The following GPATCH2 variants were observed in gnomAD, a reference collection of about 807,000 sequenced individuals.
The protein encoded by GPATCH2 is G-patch domain containing 2.
GPATCH2 carries 51 observed loss-of-function variants against 58.0 expected under a neutral mutation model. That is an observed-to-expected ratio of 0.88 (90% confidence interval 0.70 to 1.11). The LOEUF (loss-of-function observed/expected upper bound fraction) is 1.11. GPATCH2 is among the 50% of genes most tolerant of loss of function. The pLI is 0.00. For synonymous variants in GPATCH2, 222 were observed against 218.5 expected, an observed-to-expected ratio of 1.02 and a Z score of -0.14; for missense variants, 625 against 652.2, an observed-to-expected ratio of 0.96 and a Z score of 0.45.
chr1:217,492,291 A>G (rs947198070), intron 7 of GPATCH2, among the ~76,000 whole-genome samples: 2 of 152,204 alleles, frequency 1.3e-5, no homozygotes, highest in African/African-American at 4.8e-5. Context: ...CAAAGAAATT[A>G]TTGGCTTGGA....
intron 8 of GPATCH2, among the ~76,000 whole-genome samples, chr1:217,453,650 GAAACA>G (rs1203504433): frequency 1.3e-5 from 2 of 151,986 alleles, no homozygotes; most frequent in Admixed American, 6.6e-5. Context: ...GAAAAAAGTA[GAAACA>G]AAACAAAACA....
chr1:217,625,173 T>C (rs1669392024), intron 1 of GPATCH2, among the ~76,000 whole-genome samples: 1 of 152,230 alleles, frequency 6.6e-6, no homozygotes, highest in African/African-American at 2.4e-5. Context: ...ATGAGTGAAC[T>C]ATTATCCTTG....
chr1:217,436,560 T>C (rs982069475), intron 9 of GPATCH2, among the ~76,000 whole-genome samples: 11 of 152,198 alleles, frequency 7.2e-5, no homozygotes, highest in African/African-American at 1.4e-4. Context: ...TTGAGTAATA[T>C]ATGAATTGCA....
intron 5 of GPATCH2, among the ~76,000 whole-genome samples, chr1:217,550,411 C>A (rs2102667083): frequency 6.6e-6 from 1 of 152,064 alleles, no homozygotes; most frequent in South Asian, 2.1e-4. Flanking sequence ...ACAAAATAGA[C>A]ATTCATTACC....
intron 5 of GPATCH2, among the ~76,000 whole-genome samples, chr1:217,532,488 G>A (rs1664241191): frequency 6.6e-6 from 1 of 152,172 alleles, no homozygotes; most frequent in African/African-American, 2.4e-5. Context: ...AAGAGGAGAT[G>A]TATTGGTGAA....
chr1:217,620,939 G>A (rs1669158904), intron 1 of GPATCH2, among the ~76,000 whole-genome samples: 2 of 152,144 alleles, frequency 1.3e-5, no homozygotes, highest in Non-Finnish European at 2.9e-5. Context: ...TTCACCACGT[G>A]CCCTAACCAG....
rs1180668386 is a variant in GPATCH2 at position 217,631,030 on chromosome 1, A to G, written c.-59T>C. 6.9e-6 allele frequency: 10 copies of G among 1,454,206 alleles called. No homozygotes were observed. The highest frequency in any genetic ancestry group is 9.4e-6 in the Non-Finnish European group (10 of 1,067,552). The allele number at this position is 1,454,206 out of a possible 1,614,324, so 90.1% of individuals were successfully genotyped here. A position where few individuals can be genotyped will look rare whatever the true frequency, so the allele number is the denominator to read the frequency against. On this transcript the variant is annotated 5_prime_UTR_variant, in exon 1 of 10. Transcript: ENST00000366935. ...GGCCCGTGAACAGACTCCAACTACAACAGCACCGGCGACTTCCAAAGAGCA... is the reference window on the plus strand; with the variant it reads ...GGCCCGTGAACAGACTCCAACTACAGCAGCACCGGCGACTTCCAAAGAGCA...
intron 5 of GPATCH2, among the ~76,000 whole-genome samples, chr1:217,560,077 G>A (rs1014589874): frequency 6.6e-6 from 1 of 152,164 alleles, no homozygotes; most frequent in Non-Finnish European, 1.5e-5. Flanking sequence ...TCGATCTCCT[G>A]ACCTCAGCCA....
intron 5 of GPATCH2, among the ~76,000 whole-genome samples, chr1:217,521,338 T>C (rs1228043666): frequency 8.3e-6 from 1 of 119,928 alleles, no homozygotes; most frequent in Non-Finnish European, 1.6e-5. Flanking sequence ...CCTAGTACTT[T>C]TTCCCCTACA....
chr1:217,606,772 C>A (rs922520816), intron 5 of GPATCH2, among the ~76,000 whole-genome samples: 2 of 152,048 alleles, frequency 1.3e-5, no homozygotes, highest in East Asian at 3.9e-4. Flanking sequence ...AGTTTAAGGT[C>A]CACAATTCTG....
chr1:217,489,510 C>A (rs1661617453), intron 8 of GPATCH2, among the ~76,000 whole-genome samples: 2 of 152,172 alleles, frequency 1.3e-5, no homozygotes, highest in Non-Finnish European at 2.9e-5. Context: ...ATTTTATTTT[C>A]TTTTATTTAT....
At chr1:217,509,763 G>A (rs935284059) in intron 6 of GPATCH2, among the ~76,000 whole-genome samples, 2 of 152,182 alleles carry the variant, frequency 1.3e-5, no homozygotes, top group African/African-American at 4.8e-5. Flanking sequence ...TACATTGTAA[G>A]AGATTCAAAG....
Position 217,498,487 on chromosome 1 carries a change from C to T in GPATCH2, c.1167-92G>A, listed in dbSNP as rs1281256538. Reference sequence around the variant, plus strand: ...GCCGCATGTGCTTTAAGAAATTTGTCACCAGCAACACAGCCTTAAATATGC... The same window carrying T: ...GCCGCATGTGCTTTAAGAAATTTGTTACCAGCAACACAGCCTTAAATATGC... On this transcript the variant is annotated intron_variant, in intron 6 of 9. Transcript: ENST00000366935. The T allele has an allele frequency of 4.6e-6, 4 of 878,978 alleles. No homozygotes were observed. In the African/African-American group the frequency reaches 6.6e-5, roughly 14 times the overall value. 54.4% of individuals were successfully genotyped at this position (878,978 alleles called of 1,614,324 possible). A position where few individuals can be genotyped will look rare whatever the true frequency, so the allele number is the denominator to read the frequency against.
intron 8 of GPATCH2, among the ~76,000 whole-genome samples, chr1:217,486,834 T>A (rs1214904128): frequency 6.6e-6 from 1 of 152,130 alleles, no homozygotes; most frequent in Admixed American, 6.5e-5. Flanking sequence ...CTCTTCTCAC[T>A]CCCAGAGAGG....
At chr1:217,609,388 AAAT>A (rs1668521487) in intron 5 of GPATCH2, 1 of 984,274 alleles carries the variant, frequency 1.0e-6, no homozygotes, top group African/African-American at 1.7e-5. Context: ...CTCTAAACCA[AAAT>A]AATAATTTTG....
At chr1:217,445,290 T>G (rs925038701) in intron 9 of GPATCH2, among the ~76,000 whole-genome samples, 1 of 152,142 alleles carries the variant, frequency 6.6e-6, no homozygotes, top group Non-Finnish European at 1.5e-5. Flanking sequence ...ATTTTCATAC[T>G]GTACAGTGGA....
At position 217,607,112 on chromosome 1, in the gene GPATCH2, G is replaced by A. The variant is rs114979805; in HGVS notation, c.1098+3209C>T. On this transcript the variant is annotated intron_variant, in intron 5 of 9. Transcript: ENST00000366935. ...TATAAAACTAAATACAGTCAATCTC[G>A]TTCCCATTGTGGATTCCATATTTTT... Among the ~76,000 whole-genome samples the A allele has an allele frequency of 2.5e-3, 386 of 152,184 alleles. 4 individuals carry two copies. The highest frequency in any genetic ancestry group is 9.0e-3 in the African/African-American group (374 of 41,524).
chr1:217,568,353 T>C (rs192099291), intron 5 of GPATCH2, among the ~76,000 whole-genome samples: 3 of 152,196 alleles, frequency 2.0e-5, no homozygotes, highest in African/African-American at 7.2e-5. Context: ...TCAGGCACAG[T>C]GTGCTAAGGC....
At chr1:217,578,701 A>C (rs1666922475) in intron 5 of GPATCH2, among the ~76,000 whole-genome samples, 1 of 152,224 alleles carries the variant, frequency 6.6e-6, no homozygotes, top group Non-Finnish European at 1.5e-5. Flanking sequence ...CAATACACGT[A>C]TTTTGATATT....
Sources: gnomAD v4.1 joint callset for allele counts (sites outside exome capture counted in the v4.1 genomes callset) on GRCh38, gnomAD v4.1.1 for gene constraint, MANE v1.5 for transcripts, NCBI Gene and HGNC (gene_info 2026-07-23, HGNC 2026-07-21) for gene names.